Variants in ZDHHC20 observed in about 807,000 individuals in gnomAD.
The protein encoded by ZDHHC20 is zDHHC palmitoyltransferase 20, also known as palmitoyltransferase ZDHHC20.
In ZDHHC20, 43 loss-of-function variants were observed where a neutral mutation model predicts 57.8. That is an observed-to-expected ratio of 0.74 (90% CI 0.58 to 0.96). The LOEUF (loss-of-function observed/expected upper bound fraction) is 0.96. Ranked by LOEUF, ZDHHC20 falls within the 40% of genes least tolerant of loss-of-function variation. ZDHHC20 has a pLI of 0.00. For synonymous variants in ZDHHC20, 157 were observed against 153.0 expected, an observed-to-expected ratio of 1.03 and a Z score of -0.19; for missense variants, 391 against 441.1, an observed-to-expected ratio of 0.89 and a Z score of 1.02.
At chr13:21,385,144 C>T (rs1269570680) in intron 9 of ZDHHC20, among the ~76,000 whole-genome samples, 1 of 151,998 alleles carries the variant, frequency 6.6e-6, no homozygotes, top group Non-Finnish European at 1.5e-5. Flanking sequence ...AATACAACAT[C>T]TGGGCCAGGC....
In ZDHHC20 at chr13:21,412,191, A is replaced by G. The variant is rs550701633; in HGVS notation, c.370+1461T>C. On this transcript the variant is annotated intron_variant, in intron 4 of 12. Coordinates refer to ENST00000400590, the MANE Select transcript of ZDHHC20 (RefSeq NM_001330059.2). ...CGTGCAATCCTTGAATGCAGCTGCA[A>G]ATCTACCCCTGGGCCTGGCACACAA... Among the ~76,000 whole-genome samples, 25 of 152,324 alleles carry G rather than the reference A, an allele frequency of 1.6e-4. No homozygotes were observed. In the South Asian group the frequency reaches 5.0e-3, roughly 30 times the overall value.
At chr13:21,394,119 G>C (rs1169795515) in intron 7 of ZDHHC20, among the ~76,000 whole-genome samples, 1 of 152,166 alleles carries the variant, frequency 6.6e-6, no homozygotes, top group Non-Finnish European at 1.5e-5. Context: ...CTGGCTGCTA[G>C]TAAAAGCCAC....
chr13:21,428,142 G>C (rs1341094923), intron 1 of ZDHHC20, among the ~76,000 whole-genome samples: 1 of 152,122 alleles, frequency 6.6e-6, no homozygotes, highest in Admixed American at 6.5e-5. Flanking sequence ...ACATGGCTGG[G>C]AACAGCAATC....
chr13:21,443,403 A>AGAGTC (rs1201202197), intron 1 of ZDHHC20, among the ~76,000 whole-genome samples: 2 of 152,234 alleles, frequency 1.3e-5, no homozygotes, highest in Non-Finnish European at 2.9e-5. Context: ...TATCCTCTGC[A>AGAGTC]GAGTCCCTTA....
In ZDHHC20 at chr13:21,375,366, T is replaced by C; in HGVS notation, c.*1330A>G. 1 of 345,774 alleles carries C rather than the reference T, an allele frequency of 2.9e-6. No individual in the cohort carries two copies. The highest frequency in any genetic ancestry group is 2.2e-5 in the South Asian group (1 of 45,612). 21.4% of individuals were successfully genotyped at this position (345,774 alleles called of 1,614,324 possible). On this transcript the variant is annotated 3_prime_UTR_variant, in exon 13 of 13. Coordinates refer to ENST00000400590, the MANE Select transcript of ZDHHC20 (RefSeq NM_001330059.2). ...TGGGGGGGGTGTGTGTGTGTGTGTG[T>C]CTGTCTGTCTAAAAGGTGTAAATGA...
intron 4 of ZDHHC20, among the ~76,000 whole-genome samples, chr13:21,404,753 C>CA (rs11391004): frequency 0.21 from 16,566 of 78,546 alleles, 1,105 homozygotes; most frequent in African/African-American, 0.29. Context: ...GATTCCATCT[C>CA]AAAAAAAAAA....
At chr13:21,399,120 A>G (rs1264658449) in intron 7 of ZDHHC20, among the ~76,000 whole-genome samples, 13 of 152,272 alleles carry the variant, frequency 8.5e-5, no homozygotes, top group South Asian at 6.2e-4. Context: ...AGGCGGGCAA[A>G]TCACTTGAAG....
At chr13:21,390,567 T>C (rs1159638394) in intron 8 of ZDHHC20, among the ~76,000 whole-genome samples, 1 of 152,196 alleles carries the variant, frequency 6.6e-6, no homozygotes, top group South Asian at 2.1e-4. Context: ...ATGGAACATA[T>C]GCCAGTTAAA....
At chr13:21,408,927 T>C (rs1434892370) in intron 4 of ZDHHC20, among the ~76,000 whole-genome samples, 4 of 152,234 alleles carry the variant, frequency 2.6e-5, no homozygotes, top group Admixed American at 6.5e-5. Flanking sequence ...TTTGTGTATA[T>C]TGAACCAGCC....
At chr13:21,379,962 C>T (rs566668796) in intron 11 of ZDHHC20, among the ~76,000 whole-genome samples, 17 of 151,278 alleles carry the variant, frequency 1.1e-4, no homozygotes, top group Non-Finnish European at 2.4e-4. Flanking sequence ...ACTACAGGCG[C>T]CCACCACCTC....
chr13:21,458,249 C>CT (rs1037499141), intron 1 of ZDHHC20, among the ~76,000 whole-genome samples: 1 of 152,158 alleles, frequency 6.6e-6, no homozygotes, highest in Non-Finnish European at 1.5e-5. Context: ...AATGCTACTC[C>CT]TTTTTTCCAG....
intron 1 of ZDHHC20, among the ~76,000 whole-genome samples, chr13:21,442,027 A>G (rs1883225726): frequency 6.6e-6 from 1 of 152,144 alleles, no homozygotes; most frequent in Admixed American, 6.5e-5. Context: ...GTGTGTACAT[A>G]AATTTTGTTT....
chr13:21,418,881 C>T, intron 3 of ZDHHC20, among the ~76,000 whole-genome samples: 1 of 152,088 alleles, frequency 6.6e-6, no homozygotes, highest in East Asian at 1.9e-4. Context: ...GCTACATTGC[C>T]AAGGCTGATG....
intron 4 of ZDHHC20, among the ~76,000 whole-genome samples, chr13:21,409,508 T>TTA: frequency 6.6e-6 from 1 of 152,334 alleles, no homozygotes; most frequent in African/African-American, 2.4e-5. Flanking sequence ...CTTTTATTCT[T>TTA]TATTAGTCTG....
In ZDHHC20 at chr13:21,375,349, G is replaced by A; in HGVS notation, c.*1347C>T. The A allele has an allele frequency of 3.7e-6, 1 of 271,548 alleles. No individual in the cohort carries two copies. The highest frequency in any genetic ancestry group is 7.3e-6 in the Non-Finnish European group (1 of 137,166). The allele number at this position is 271,548 out of a possible 1,614,324, so 16.8% of individuals were successfully genotyped here. A position where few individuals can be genotyped will look rare whatever the true frequency, so the allele number is the denominator to read the frequency against. On this transcript the variant is annotated 3_prime_UTR_variant, in exon 13 of 13. Coordinates refer to ENST00000400590, the MANE Select transcript of ZDHHC20 (RefSeq NM_001330059.2). The stretch of plus-strand genomic sequence containing the variant: ...GAAGCAATCAATTATTTTGGGGGGG[G>A]TGTGTGTGTGTGTGTGTCTGTCTGT...
intron 1 of ZDHHC20, among the ~76,000 whole-genome samples, chr13:21,454,547 A>C (rs1342579856): frequency 6.6e-6 from 1 of 152,218 alleles, no homozygotes; most frequent in Non-Finnish European, 1.5e-5. Context: ...GGCTCAAATC[A>C]ATGACCTTGG....
chr13:21,399,994 G>A (rs1176054157), intron 7 of ZDHHC20, among the ~76,000 whole-genome samples: 1 of 151,248 alleles, frequency 6.6e-6, no homozygotes, highest in Non-Finnish European at 1.5e-5. Context: ...CAGTTTAGTG[G>A]CTGCCTGGGG....
chr13:21,391,602 C>T, intron 8 of ZDHHC20, 120 bp downstream of exon 8: 1 of 1,127,820 alleles, frequency 8.9e-7, no homozygotes, highest in Non-Finnish European at 1.2e-6. Context: ...CACGTGCCAC[C>T]AATTCCAGAG....
At chr13:21,393,749 G>A (rs1876257723) in intron 7 of ZDHHC20, among the ~76,000 whole-genome samples, 1 of 139,810 alleles carries the variant, frequency 7.2e-6, no homozygotes, top group Admixed American at 7.0e-5. Context: ...TCTCACTAAG[G>A]CACCAGAGCT....
Sources: gnomAD v4.1 joint callset for allele counts (sites outside exome capture counted in the v4.1 genomes callset) on GRCh38, gnomAD v4.1.1 for gene constraint, MANE v1.5 for transcripts, NCBI Gene and HGNC (gene_info 2026-07-23, HGNC 2026-07-21) for gene names.